Variants in SLC9A9 observed in about 807,000 individuals in gnomAD.
SLC9A9 encodes sodium/hydrogen exchanger 9.
In SLC9A9, 62 loss-of-function variants were observed where a neutral mutation model predicts 77.8. That is an observed-to-expected ratio of 0.80 (90% CI 0.65 to 0.98). The LOEUF (loss-of-function observed/expected upper bound fraction) is 0.98, where lower values mean the gene tolerates loss of function less well. Among genes scored for constraint, SLC9A9 ranks in the 50% least tolerant of loss-of-function variants. The probability of loss-of-function intolerance (pLI) is 0.00; values close to 1 mark genes in which losing one functional copy is unlikely to be tolerated. For missense variants in SLC9A9, 775 were observed against 774.9 expected (o/e 1.00, Z 0.00); for synonymous variants, 320 against 283.5 (o/e 1.13, Z -1.29).
At chr3:143,733,386 A>G (rs1185893021) in intron 4 of SLC9A9, among the ~76,000 whole-genome samples, 1 of 152,094 alleles carries the variant, frequency 6.6e-6, no homozygotes, top group African/African-American at 2.4e-5. Flanking sequence ...AGAAGATTTT[A>G]CATATTGGTG....
In SLC9A9 at chr3:143,395,378, G is replaced by C. The variant is rs1321097261; in HGVS notation, c.1470-13264C>G. Among the ~76,000 whole-genome samples, 3 of 152,148 alleles carry C rather than the reference G, an allele frequency of 2.0e-5. No homozygotes were observed. The East Asian group carries it at 5.8e-4, about 29-fold the overall frequency. On this transcript the variant is annotated intron_variant, in intron 12 of 15. Coordinates refer to ENST00000316549, the MANE Select transcript of SLC9A9 (RefSeq NM_173653.4). The stretch of plus-strand genomic sequence containing the variant: ...TTCCCTATTTAATAAATGGTGCTGG[G>C]AAAACTGGCTAGCCATATGTAGAAA...
At chr3:143,362,429 C>G (rs1009538480) in intron 14 of SLC9A9, among the ~76,000 whole-genome samples, 4 of 152,052 alleles carry the variant, frequency 2.6e-5, no homozygotes, top group Non-Finnish European at 2.9e-5. Context: ...CAATTGGTTT[C>G]TCTTCACTTC....
chr3:143,691,993 G>A (rs529767810), intron 5 of SLC9A9, among the ~76,000 whole-genome samples: 41 of 152,026 alleles, frequency 2.7e-4, no homozygotes, highest in Non-Finnish European at 4.7e-4. Context: ...CTCTGGAGGT[G>A]ATGAAATAGA....
intron 4 of SLC9A9, among the ~76,000 whole-genome samples, chr3:143,772,715 C>T (rs1478511652): frequency 6.6e-6 from 1 of 152,152 alleles, no homozygotes; most frequent in Non-Finnish European, 1.5e-5. Context: ...GAGTGGTTGC[C>T]CCAAGTCCGG....
chr3:143,491,396 T>C (rs564780305), intron 11 of SLC9A9, among the ~76,000 whole-genome samples: 77 of 152,302 alleles, frequency 5.1e-4, no homozygotes, highest in African/African-American at 1.8e-3. Flanking sequence ...TTCACAACTC[T>C]GCCACTGTAG....
chr3:143,319,213 T>C (rs2031327722), intron 14 of SLC9A9, among the ~76,000 whole-genome samples: 2 of 152,088 alleles, frequency 1.3e-5, no homozygotes. Context: ...TCAAAGGAGT[T>C]TGAGAATGAA....
intron 14 of SLC9A9, among the ~76,000 whole-genome samples, chr3:143,357,967 G>A (rs2032639089): frequency 6.6e-6 from 1 of 151,206 alleles, no homozygotes; most frequent in Non-Finnish European, 1.5e-5. Context: ...AAATAAGCAT[G>A]ACTGTGTGGG....
chr3:143,548,524 C>CA (rs2036826868), intron 9 of SLC9A9, among the ~76,000 whole-genome samples: 3 of 152,116 alleles, frequency 2.0e-5, no homozygotes, highest in Non-Finnish European at 4.4e-5. Flanking sequence ...ACTTGATGTG[C>CA]ACACCCTAAA....
chr3:143,752,894 G>A (rs2006784446), intron 4 of SLC9A9, among the ~76,000 whole-genome samples: 1 of 152,102 alleles, frequency 6.6e-6, no homozygotes, highest in Non-Finnish European at 1.5e-5. Context: ...GGGCTCAAAG[G>A]CCTTCCTCTG....
At chr3:143,318,837 G>C (rs935208425) in intron 14 of SLC9A9, among the ~76,000 whole-genome samples, 1 of 152,194 alleles carries the variant, frequency 6.6e-6, no homozygotes, top group African/African-American at 2.4e-5. Flanking sequence ...TTAGTGATGA[G>C]AGATGCTAAA....
At chr3:143,578,839 AAG>A in intron 6 of SLC9A9, 116 bp from the exon 7 acceptor site, 1 of 1,258,440 alleles carries the variant, frequency 7.9e-7, no homozygotes, top group Non-Finnish European at 1.2e-6. Flanking sequence ...TGCTGGTTGG[AAG>A]AGTTAGGGGA....
intron 2 of SLC9A9, among the ~76,000 whole-genome samples, chr3:143,815,808 G>A (rs2008997567): frequency 6.6e-6 from 1 of 152,158 alleles, no homozygotes; most frequent in South Asian, 2.1e-4. Flanking sequence ...GGAGGTTACA[G>A]TGAGCCGGGA....
chr3:143,551,330 C>A (rs1422585818), intron 9 of SLC9A9, among the ~76,000 whole-genome samples: 1 of 152,190 alleles, frequency 6.6e-6, no homozygotes, highest in Admixed American at 6.5e-5. Flanking sequence ...CTCCCCATTA[C>A]CTATAGGTTA....
At chr3:143,752,460 A>G (rs1373277797) in intron 4 of SLC9A9, among the ~76,000 whole-genome samples, 2 of 152,218 alleles carry the variant, frequency 1.3e-5, no homozygotes, top group African/African-American at 2.4e-5. Flanking sequence ...TGAACAAAGA[A>G]AAAGCATAGC....
intron 12 of SLC9A9, among the ~76,000 whole-genome samples, chr3:143,384,784 C>T (rs2033383918): frequency 6.6e-6 from 1 of 151,846 alleles, no homozygotes; most frequent in African/African-American, 2.4e-5. Context: ...AGAGAACCTC[C>T]ATGAAAGGTG....
In SLC9A9 at chr3:143,436,967, A is replaced by G. The variant is rs567725348; in HGVS notation, c.1469+30070T>C. ...CTCCCTGGATTATGTATAACCAGGC[A>G]TTGAGCTAGATTTCCCTGTTACATC... On this transcript the variant is annotated intron_variant, in intron 12 of 15. Coordinates refer to ENST00000316549, the MANE Select transcript of SLC9A9 (RefSeq NM_173653.4). 5.9e-5 allele frequency among the ~76,000 whole-genome samples: 9 copies of G among 152,320 alleles called. No homozygotes were observed. The South Asian group carries it at 1.9e-3, about 32-fold the overall frequency.
At chr3:143,828,692 G>T (rs1472720888) in intron 2 of SLC9A9, among the ~76,000 whole-genome samples, 3 of 152,082 alleles carry the variant, frequency 2.0e-5, no homozygotes, top group African/African-American at 4.8e-5. Flanking sequence ...TGTGAAGGAG[G>T]CTGATATTCA....
rs758160122 is a variant in SLC9A9 at position 143,848,183 on chromosome 3, C to T, written c.140G>A (p.Arg47His). ...TIWLFKNHRF[R>H]FLHETGGAMV... is the part of the protein sequence containing the mutation. Reference sequence around the variant, plus strand: ...TGCTCCTCCAGTTTCATGCAAGAAGCGGAATCGATGATTTTTAAATAACCA... The same window carrying T: ...TGCTCCTCCAGTTTCATGCAAGAAGTGGAATCGATGATTTTTAAATAACCA... Residue 47 changes from arginine to histidine, a missense_variant, in exon 1 of 16, where the codon CGC becomes CAC. Transcript: ENST00000316549. The T allele has an allele frequency of 1.9e-6, 3 of 1,613,962 alleles. No homozygotes were observed. The highest frequency in any genetic ancestry group is 2.2e-5 in the South Asian group (2 of 91,078).
intron 3 of SLC9A9, among the ~76,000 whole-genome samples, chr3:143,796,576 A>G (rs952401745): frequency 1.3e-5 from 2 of 152,324 alleles, no homozygotes; most frequent in South Asian, 4.1e-4. Context: ...ACACTTAAAG[A>G]ACATCTCGAT....
Sources: gnomAD v4.1 joint callset for allele counts (sites outside exome capture counted in the v4.1 genomes callset) on GRCh38, gnomAD v4.1.1 for gene constraint, MANE v1.5 for transcripts, NCBI Gene and HGNC (gene_info 2026-07-23, HGNC 2026-07-21) for gene names.